Variants in SPECC1 observed in about 807,000 individuals in gnomAD.
The protein encoded by SPECC1 is sperm antigen with calponin homology and coiled-coil domains 1.
Under a neutral mutation model 104.1 loss-of-function variants are expected in SPECC1, and 62 were observed. That is an observed-to-expected ratio of 0.60 (90% CI 0.49 to 0.74). SPECC1 has a LOEUF of 0.74. SPECC1 is among the 30% of genes least tolerant of loss of function. SPECC1 has a pLI of 0.00. For missense variants in SPECC1, 1,306 were observed against 1,310.5 expected, an observed-to-expected ratio of 1.00 and a Z score of 0.05; for synonymous variants, 513 against 501.6, an observed-to-expected ratio of 1.02 and a Z score of -0.30.
chr17:20,026,363 T>G (rs2044599935), intron 1 of SPECC1, among the ~76,000 whole-genome samples: 1 of 152,118 alleles, frequency 6.6e-6, no homozygotes, highest in Non-Finnish European at 1.5e-5. Context: ...TTTTTGAACA[T>G]GTACAATAAG....
At chr17:20,122,336 G>A (rs1041502914) in intron 3 of SPECC1, among the ~76,000 whole-genome samples, 1 of 152,184 alleles carries the variant, frequency 6.6e-6, no homozygotes, top group Non-Finnish European at 1.5e-5. Flanking sequence ...GACAGATGGG[G>A]TAAGCAGACC....
rs193143624 is a variant in SPECC1 at position 20,098,198 on chromosome 17, C to A, written c.147+1400C>A. ...TCCATCTCTCTCACCATCCCCTAAC[C>A]TGCTCCCCCAAATCTTCCCATTTGT... On this transcript the variant is annotated intron_variant, in intron 2 of 14. Coordinates refer to ENST00000395527, the MANE Select transcript of SPECC1 (RefSeq NM_001243439.2). Among the ~76,000 whole-genome samples, 187 of 152,264 alleles carry A rather than the reference C, an allele frequency of 1.2e-3. 1 individual carries two copies. The highest frequency in any genetic ancestry group is 3.9e-3 in the African/African-American group (164 of 41,550).
At chr17:20,274,386 T>C (rs1013640065) in intron 12 of SPECC1, among the ~76,000 whole-genome samples, 51 of 152,362 alleles carry the variant, frequency 3.3e-4, no homozygotes, top group African/African-American at 1.2e-3. Context: ...GTCAGTGCTG[T>C]GGCATGCGTT....
chr17:20,144,142 G>C (rs2031174847), intron 3 of SPECC1, among the ~76,000 whole-genome samples: 1 of 147,568 alleles, frequency 6.8e-6, no homozygotes, highest in African/African-American at 2.5e-5. Flanking sequence ...ACTAGGGCCA[G>C]AAAAATATTA....
intron 3 of SPECC1, among the ~76,000 whole-genome samples, chr17:20,166,834 G>C (rs2033689444): frequency 6.6e-6 from 1 of 152,046 alleles, no homozygotes; most frequent in South Asian, 2.1e-4. Context: ...AAATTATATG[G>C]GACCAGGCAT....
At chr17:20,018,313 G>A (rs2044230182) in intron 1 of SPECC1, among the ~76,000 whole-genome samples, 1 of 152,156 alleles carries the variant, frequency 6.6e-6, no homozygotes, top group South Asian at 2.1e-4. Context: ...TGTTTTCCAG[G>A]TTTCTTTTGA....
chr17:20,153,423 G>T (rs572311527), intron 3 of SPECC1, among the ~76,000 whole-genome samples: 1 of 152,310 alleles, frequency 6.6e-6, no homozygotes, highest in East Asian at 1.9e-4. Context: ...GAGGCATGGC[G>T]CAGTCAGATT....
At chr17:20,101,881 C>G (rs1457319862) in intron 2 of SPECC1, among the ~76,000 whole-genome samples, 2 of 152,202 alleles carry the variant, frequency 1.3e-5, no homozygotes, top group Non-Finnish European at 2.9e-5. Flanking sequence ...TATGTTATGT[C>G]TGATGATTTT....
intron 3 of SPECC1, among the ~76,000 whole-genome samples, chr17:20,189,596 C>T (rs2035517693): frequency 6.6e-6 from 1 of 152,168 alleles, no homozygotes; most frequent in African/African-American, 2.4e-5. Context: ...TGCCCTATCT[C>T]CCCTGCATCC....
At chr17:20,226,218 T>C (rs970136035) in intron 4 of SPECC1, among the ~76,000 whole-genome samples, 1 of 152,184 alleles carries the variant, frequency 6.6e-6, no homozygotes, top group Non-Finnish European at 1.5e-5. Context: ...TAAAATAATA[T>C]AGTCAAACAG....
rs2042043691 is a variant in SPECC1 at position 20,316,680 on chromosome 17, G to T, written c.*2615G>T. 1 of 173,882 alleles carries T rather than the reference G, an allele frequency of 5.8e-6. No individual in the cohort carries two copies. The highest frequency in any genetic ancestry group is 1.2e-5 in the Non-Finnish European group (1 of 85,670). The allele number at this position is 173,882 out of a possible 1,614,324, so 10.8% of individuals were successfully genotyped here. A position where few individuals can be genotyped will look rare whatever the true frequency, so the allele number is the denominator to read the frequency against. On this transcript the variant is annotated 3_prime_UTR_variant, in exon 15 of 15. Transcript: ENST00000395527. The stretch of plus-strand genomic sequence containing the variant: ...CCACTGAGCCCGGCTGTTTTTTTGT[G>T]TTTTTTTTGTTGTTGTTTGTTTGTT...
At chr17:20,080,887 G>A (rs1403027284) in intron 1 of SPECC1, among the ~76,000 whole-genome samples, 1 of 152,112 alleles carries the variant, frequency 6.6e-6, no homozygotes, top group African/African-American at 2.4e-5. Flanking sequence ...GCAGGGGGGG[G>A]TGGTCACTGG....
At chr17:20,217,263 T>TTGTG (rs66521107) in intron 4 of SPECC1, among the ~76,000 whole-genome samples, 1 of 148,596 alleles carries the variant, frequency 6.7e-6, no homozygotes, top group Non-Finnish European at 1.5e-5. Flanking sequence ...AGTTTTTTTA[T>TTGTG]TGTGTGTGTG....
chr17:20,096,313 G>C (rs1392667269), intron 1 of SPECC1, among the ~76,000 whole-genome samples: 1 of 152,104 alleles, frequency 6.6e-6, no homozygotes, highest in Non-Finnish European at 1.5e-5. Flanking sequence ...GTTTTATCTG[G>C]GTGTGAGATA....
intron 3 of SPECC1, among the ~76,000 whole-genome samples, chr17:20,144,929 GTCT>G (rs1034540503): frequency 1.4e-4 from 22 of 152,168 alleles, no homozygotes; most frequent in African/African-American, 5.3e-4. Context: ...ATTGATATCA[GTCT>G]TCTTTCATTT....
At chr17:20,242,680 T>C (rs1252693292) in intron 7 of SPECC1, among the ~76,000 whole-genome samples, 1 of 152,222 alleles carries the variant, frequency 6.6e-6, no homozygotes, top group Non-Finnish European at 1.5e-5. Flanking sequence ...TCACAGAACA[T>C]TTATGCATTA....
At chr17:20,298,948 A>AGAGAGAGG in intron 13 of SPECC1, among the ~76,000 whole-genome samples, 1 of 49,072 alleles carries the variant, frequency 2.0e-5, no homozygotes, top group Non-Finnish European at 3.7e-5. Context: ...AGAGAGAGAG[A>AGAGAGAGG]GTGTGTGTGT....
chr17:20,057,255 C>T (rs1402736493), intron 1 of SPECC1, among the ~76,000 whole-genome samples: 1 of 152,102 alleles, frequency 6.6e-6, no homozygotes, highest in East Asian at 1.9e-4. Flanking sequence ...TCCTGGCTAA[C>T]ACGGTGAAAC....
At chr17:20,295,125 C>T (rs1456441848) in intron 12 of SPECC1, among the ~76,000 whole-genome samples, 4 of 151,212 alleles carry the variant, frequency 2.6e-5, no homozygotes, top group South Asian at 4.2e-4. Context: ...CACCCATTAA[C>T]TCATCATTTA....
Sources: allele counts gnomAD v4.1 joint callset (sites outside exome capture counted in the v4.1 genomes callset), GRCh38; gene constraint gnomAD v4.1.1; transcripts MANE v1.5; gene names NCBI Gene and HGNC (gene_info 2026-07-23, HGNC 2026-07-21).